Variants in PHF3 observed in about 807,000 individuals in gnomAD.
The protein encoded by PHF3 is PHD finger protein 3.
PHF3 carries 41 observed loss-of-function variants against 178.4 expected under a neutral mutation model. That is an observed-to-expected ratio of 0.23 (90% CI 0.18 to 0.30). The LOEUF is 0.30. Ranked by LOEUF, PHF3 falls within the 10% of genes least tolerant of loss-of-function variation. PHF3 has a pLI of 1.00. For synonymous variants in PHF3, 842 were observed against 800.5 expected (o/e 1.05, Z -0.88); for missense variants, 2,346 against 2,398.1 (o/e 0.98, Z 0.45).
At chr6:63,661,154 T>C (rs966910220) in intron 2 of PHF3, among the ~76,000 whole-genome samples, 3 of 152,200 alleles carry the variant, frequency 2.0e-5, no homozygotes, top group Non-Finnish European at 4.4e-5. Flanking sequence ...CCAGGAATTA[T>C]TCATGGAGGT....
chr6:63,685,935 T>G, intron 4 of PHF3, 24 bp downstream of exon 4: 1 of 1,516,102 alleles, frequency 6.6e-7, no homozygotes, highest in East Asian at 2.3e-5. Context: ...TGTGTATGAG[T>G]GATGTGTACA....
intron 3 of PHF3, 59 bp from the exon 4 acceptor site, chr6:63,684,070 A>G (rs1766557109): frequency 3.2e-5 from 42 of 1,314,878 alleles, no homozygotes; most frequent in Non-Finnish European, 4.4e-5. Flanking sequence ...ATTGTATTGA[A>G]ATAAAAGCAC....
At chr6:63,698,689 A>G in intron 8 of PHF3, 84 bp downstream of exon 8, 2 of 923,482 alleles carry the variant, frequency 2.2e-6, no homozygotes, top group East Asian at 2.7e-5. Context: ...TAGATCTATA[A>G]TTTATTAATT....
Position 63,721,170 on chromosome 6 carries a change from A to T in PHF3, c.*7462A>T, listed in dbSNP as rs755879622. ...ATTACCCATAAATTTTGCAGTTGAA[A>T]ATGAAGTTTTGTTTTCACAATACCT... On this transcript the variant is annotated 3_prime_UTR_variant, in exon 16 of 16. Transcript: ENST00000262043. 21 of 1,551,524 alleles carry T rather than the reference A, an allele frequency of 1.4e-5. No homozygotes were observed. The highest frequency in any genetic ancestry group is 1.2e-5 in the South Asian group (1 of 84,064).
Position 63,723,056 on chromosome 6 carries a change from G to A in PHF3, c.*9348G>A, listed in dbSNP as rs1768467360. Among the ~76,000 whole-genome samples, 1 of 152,142 alleles carries A rather than the reference G, an allele frequency of 6.6e-6. No homozygotes were observed. The highest frequency in any genetic ancestry group is 2.1e-4 in the South Asian group (1 of 4,836). Reference sequence around the variant, plus strand: ...CAAAACGGTATCTGGCCCATAAATAGATGCTAAATAATTATTAAATAAAGA... The same window carrying A: ...CAAAACGGTATCTGGCCCATAAATAAATGCTAAATAATTATTAAATAAAGA... On this transcript the variant is annotated 3_prime_UTR_variant, in exon 16 of 16. Transcript: ENST00000262043.
At chr6:63,706,553 G>A (rs1767701710) in intron 12 of PHF3, among the ~76,000 whole-genome samples, 176 bp from the exon 13 acceptor site, 1 of 152,142 alleles carries the variant, frequency 6.6e-6, no homozygotes, top group Non-Finnish European at 1.5e-5. Flanking sequence ...GGAAGATTTT[G>A]TAAAACATTA....
At position 63,685,320 on chromosome 6, in the gene PHF3, A is replaced by G; in HGVS notation, c.1598A>G (p.Asp533Gly). The G allele has an allele frequency of 6.2e-7, 1 of 1,614,120 alleles. No individual in the cohort carries two copies. Among genetic ancestry groups the G allele is most frequent in the Non-Finnish European group, 8.5e-7 (1 of 1,179,994 alleles). The change falls in exon 4 of 16, where the codon GAT (aspartate) becomes GGT (glycine). Residue 533 changes from aspartate (D) to glycine (G), a missense_variant. This residue lies in a region of PHF3 where 843 missense variants were observed against 795.2 expected (regional missense o/e 1.06). Transcript: ENST00000262043. ...GTCAAAAGTGTGAAACGAAATACTG[A>G]TGTACCAGAATCTCAGCAAAATTTT... ...VNVKSVKRNT[D>G]VPESQQNFHR... is the part of the protein sequence containing the mutation.
At chr6:63,667,235 C>CT (rs1283453908) in intron 2 of PHF3, among the ~76,000 whole-genome samples, 1 of 152,102 alleles carries the variant, frequency 6.6e-6, no homozygotes, top group Non-Finnish European at 1.5e-5. Flanking sequence ...TTAAAAGACA[C>CT]TTTAAATATG....
chr6:63,661,807 C>T (rs1269161491), intron 2 of PHF3, among the ~76,000 whole-genome samples: 2 of 152,132 alleles, frequency 1.3e-5, no homozygotes, highest in African/African-American at 4.8e-5. Context: ...TTTTATTGAT[C>T]ACCAGAGCTG....
At chr6:63,700,225 A>G (rs1450655275) in intron 8 of PHF3, 125 bp from the exon 9 acceptor site, 6 of 525,942 alleles carry the variant, frequency 1.1e-5, no homozygotes, top group Admixed American at 3.3e-5. Flanking sequence ...TGTAGTAGGT[A>G]ATATATAAAT....
Position 63,706,267 on chromosome 6 carries a change from C to T in PHF3, c.3563+43C>T, listed in dbSNP as rs1232688728. The stretch of plus-strand genomic sequence containing the variant: ...AAATTCTGTAATACTCATTATAGAT[C>T]TTTGCCAGATTATACTTGCAAGTCT... On this transcript the variant is annotated intron_variant, in intron 12 of 15. Coordinates refer to ENST00000262043, the MANE Select transcript of PHF3 (RefSeq NM_001370348.2). 7 of 1,429,396 alleles carry T rather than the reference C, an allele frequency of 4.9e-6. No homozygotes were observed. In the East Asian group the frequency reaches 1.6e-4, roughly 33 times the overall value. The allele number at this position is 1,429,396 out of a possible 1,614,324, so 88.5% of individuals were successfully genotyped here.
In PHF3 at chr6:63,720,152, A is replaced by G; in HGVS notation, c.*6444A>G. 1 of 178,992 alleles carries G rather than the reference A, an allele frequency of 5.6e-6. No homozygotes were observed. Among genetic ancestry groups the G allele is most frequent in the Non-Finnish European group, 1.2e-5 (1 of 86,198 alleles). 11.1% of individuals were successfully genotyped at this position (178,992 alleles called of 1,614,324 possible). A position where few individuals can be genotyped will look rare whatever the true frequency, so the allele number is the denominator to read the frequency against. ...ACAATATGGTTACATTGCTTTGTATAATTTTTATTTTTCCTTTGATTAATA... is the reference window on the plus strand; with the variant it reads ...ACAATATGGTTACATTGCTTTGTATGATTTTTATTTTTCCTTTGATTAATA... On this transcript the variant is annotated 3_prime_UTR_variant, in exon 16 of 16. Transcript: ENST00000262043.
intron 3 of PHF3, among the ~76,000 whole-genome samples, chr6:63,680,775 T>G (rs1257552884): frequency 1.3e-5 from 2 of 152,060 alleles, no homozygotes; most frequent in East Asian, 3.9e-4. Flanking sequence ...TCAGGTATTC[T>G]GTCATATCCA....
At chr6:63,636,573 C>T (rs975535295) in intron 1 of PHF3, 3 of 152,204 alleles carry the variant, frequency 2.0e-5, no homozygotes, top group African/African-American at 4.8e-5. Flanking sequence ...GGGGCCTCTT[C>T]CTTCTCAGGG....
At chr6:63,648,813 T>A (rs1487945646) in intron 2 of PHF3, among the ~76,000 whole-genome samples, 1 of 152,168 alleles carries the variant, frequency 6.6e-6, no homozygotes. Flanking sequence ...AGAATGTTTG[T>A]ATTGGTATAT....
At chr6:63,675,530 C>G (rs1766127310) in intron 2 of PHF3, among the ~76,000 whole-genome samples, 1 of 152,076 alleles carries the variant, frequency 6.6e-6, no homozygotes, top group South Asian at 2.1e-4. Context: ...AGCATGAGAG[C>G]TCTGGAAACT....
At chr6:63,688,364 T>C (rs1200551952) in intron 4 of PHF3, among the ~76,000 whole-genome samples, 1 of 998 alleles carries the variant, frequency 1.0e-3, no homozygotes, top group Non-Finnish European at 1.3e-3. Context: ...TAAGACAAAG[T>C]CTCACTGTTG....
rs191601752 is a variant in PHF3 at position 63,725,147 on chromosome 6, T to C, written c.*11439T>C. On this transcript the variant is annotated 3_prime_UTR_variant, in exon 16 of 16. Transcript: ENST00000262043. ...AATTTTCATGATTTTCTTATATAAG[T>C]GTCAAATGCAGCATCAATCGTGTGA... Among the ~76,000 whole-genome samples the C allele has an allele frequency of 5.3e-5, 8 of 152,262 alleles. No individual in the cohort carries two copies. The highest frequency in any genetic ancestry group is 1.2e-4 in the Non-Finnish European group (8 of 67,964).
At chr6:63,667,760 A>G (rs772985063) in intron 2 of PHF3, among the ~76,000 whole-genome samples, 5 of 152,216 alleles carry the variant, frequency 3.3e-5, no homozygotes, top group Non-Finnish European at 5.9e-5. Flanking sequence ...GTCTCTTAGC[A>G]ACATCCTGAG....
Sources: allele counts gnomAD v4.1 joint callset (sites outside exome capture counted in the v4.1 genomes callset), GRCh38; gene constraint gnomAD v4.1.1; regional missense constraint gnomAD v4.1.1; transcripts MANE v1.5; gene names NCBI Gene and HGNC (gene_info 2026-07-23, HGNC 2026-07-21).